MINDY3: variants seen among roughly 807,000 people sequenced by gnomAD.
MINDY3 encodes the protein MINDY lysine 48 deubiquitinase 3, also known as ubiquitin carboxyl-terminal hydrolase MINDY-3.
In MINDY3, 38 loss-of-function variants were observed where a neutral mutation model predicts 69.2. The observed-to-expected ratio is 0.55, with a 90% CI of 0.42 to 0.72. The LOEUF (loss-of-function observed/expected upper bound fraction) is 0.72. MINDY3 is among the 30% of genes least tolerant of loss of function. MINDY3 has a pLI of 0.00. For missense variants in MINDY3, 522 were observed against 519.0 expected (o/e 1.01, Z -0.06); for synonymous variants, 192 against 180.1 (o/e 1.07, Z -0.53).
At chr10:15,827,779 A>G (rs1226884903) in intron 8 of MINDY3, among the ~76,000 whole-genome samples, 1 of 152,168 alleles carries the variant, frequency 6.6e-6, no homozygotes, top group African/African-American at 2.4e-5. Context: ...AAGAATACTC[A>G]AAACTCACAA....
intron 11 of MINDY3, among the ~76,000 whole-genome samples, 169 bp downstream of exon 11, chr10:15,795,931 C>T (rs1293303717): frequency 1.3e-5 from 2 of 152,000 alleles, no homozygotes; most frequent in African/African-American, 2.4e-5. Flanking sequence ...GACTTGTGTG[C>T]TATTTCATTT....
Position 15,860,332 on chromosome 10 carries a change from C to G in MINDY3, c.-33G>C. The G allele has an allele frequency of 1.3e-6, 2 of 1,498,906 alleles. No homozygotes were observed. Among genetic ancestry groups the G allele is most frequent in the Non-Finnish European group, 1.8e-6 (2 of 1,093,266 alleles). 92.9% of individuals were successfully genotyped at this position (1,498,906 alleles called of 1,614,324 possible). A position where few individuals can be genotyped will look rare whatever the true frequency, so the allele number is the denominator to read the frequency against. ...AACCGGCGGGCGGATCTTCGCTTTGCGGACTCCTGCCCCGGAACATGGGGA... is the reference window on the plus strand; with the variant it reads ...AACCGGCGGGCGGATCTTCGCTTTGGGGACTCCTGCCCCGGAACATGGGGA... On this transcript the variant is annotated 5_prime_UTR_variant, in exon 1 of 15. Transcript: ENST00000277632.
intron 5 of MINDY3, 66 bp from the exon 6 acceptor site, chr10:15,837,384 A>C (rs771530354): frequency 6.8e-6 from 9 of 1,320,822 alleles, no homozygotes; most frequent in Non-Finnish European, 9.5e-6. Flanking sequence ...AAAAGGGAAA[A>C]TTTTTAAATT....
chr10:15,792,369 A>AAAT (rs1343184325), intron 11 of MINDY3, among the ~76,000 whole-genome samples: 1 of 152,070 alleles, frequency 6.6e-6, no homozygotes, highest in Admixed American at 6.6e-5. Flanking sequence ...ACAAGCTCAT[A>AAAT]AATAAGTAGC....
At chr10:15,844,176 C>T (rs149237842) in intron 2 of MINDY3, among the ~76,000 whole-genome samples, 111 of 152,248 alleles carry the variant, frequency 7.3e-4, no homozygotes, top group African/African-American at 2.6e-3. Flanking sequence ...TAGCACAGTA[C>T]CTGGCACCAA....
chr10:15,818,319 A>G (rs544672880), intron 9 of MINDY3, among the ~76,000 whole-genome samples: 20 of 149,840 alleles, frequency 1.3e-4, no homozygotes, highest in South Asian at 4.2e-4. Flanking sequence ...GGTAGAAGTA[A>G]AAAAAAAAAA....
chr10:15,818,078 T>C (rs1466354076), intron 9 of MINDY3: 2 of 152,130 alleles, frequency 1.3e-5, no homozygotes, highest in African/African-American at 2.4e-5. Context: ...ACGAGGATTT[T>C]AGAGGTGAGC....
At chr10:15,802,161 A>C (rs1030180278) in intron 10 of MINDY3, among the ~76,000 whole-genome samples, 12 of 151,930 alleles carry the variant, frequency 7.9e-5, no homozygotes, top group African/African-American at 2.9e-4. Flanking sequence ...AGGGAGTCAA[A>C]AGTTGTATGT....
intron 10 of MINDY3, among the ~76,000 whole-genome samples, chr10:15,810,206 A>T (rs1178145276): frequency 6.6e-6 from 1 of 152,170 alleles, no homozygotes; most frequent in Non-Finnish European, 1.5e-5. Flanking sequence ...TGAAAATTAA[A>T]ATCATGAACC....
chr10:15,824,659 T>C (rs1370617090), intron 8 of MINDY3, among the ~76,000 whole-genome samples: 1 of 152,176 alleles, frequency 6.6e-6, no homozygotes, highest in Non-Finnish European at 1.5e-5. Context: ...TAAAAAAGAA[T>C]ACATACATTG....
At chr10:15,840,404 GT>G (rs150227604) in intron 4 of MINDY3, among the ~76,000 whole-genome samples, 2,614 of 151,724 alleles carry the variant, frequency 0.017, 58 homozygotes, top group African/African-American at 0.057. Flanking sequence ...CCTTGCAAAT[GT>G]TACTACTATT....
intron 8 of MINDY3, among the ~76,000 whole-genome samples, chr10:15,823,475 G>A (rs1839901980): frequency 1.3e-5 from 2 of 151,898 alleles, no homozygotes; most frequent in Admixed American, 1.3e-4. Flanking sequence ...AGCATTAAAG[G>A]GATTTGCAAA....
rs557325450 is a variant in MINDY3, at chr10:15,827,800, A to T, written c.730+5830T>A. ...ACTCAAAACTCACAAACACGTGAAG[A>T]GATGATCAAGCTCAGGCTCAATGAG... is the stretch of plus-strand genomic sequence containing the variant. On this transcript the variant is annotated intron_variant, in intron 8 of 14. Coordinates refer to ENST00000277632, the MANE Select transcript of MINDY3 (RefSeq NM_024948.4). Among the ~76,000 whole-genome samples, 753 of 152,326 alleles carry T rather than the reference A, an allele frequency of 4.9e-3. 1 individual carries two copies. Among genetic ancestry groups the T allele is most frequent in the Non-Finnish European group, 8.0e-3 (546 of 68,036 alleles).
chr10:15,809,766 G>A (rs1001785641), intron 10 of MINDY3, among the ~76,000 whole-genome samples: 1 of 152,000 alleles, frequency 6.6e-6, no homozygotes, highest in Admixed American at 6.5e-5. Flanking sequence ...TACATAGGGT[G>A]GCTTAGATGC....
At chr10:15,849,697 GGAGAGGGTGCCA>G (rs1257200118) in intron 1 of MINDY3, among the ~76,000 whole-genome samples, 3 of 152,098 alleles carry the variant, frequency 2.0e-5, no homozygotes, top group East Asian at 1.9e-4. Context: ...TGAGAGCAAT[GGAGAGGGTGCCA>G]GAGAGGGTGC....
chr10:15,789,745 T>TTTAGTTTATTTA (rs1837271405), intron 11 of MINDY3, among the ~76,000 whole-genome samples: 1 of 152,104 alleles, frequency 6.6e-6, no homozygotes, highest in Non-Finnish European at 1.5e-5. Context: ...TTTAGTTTCT[T>TTTAGTTTATTTA]GAAGGAATGT....
chr10:15,835,666 G>T (rs956413687), intron 6 of MINDY3, among the ~76,000 whole-genome samples: 1 of 152,046 alleles, frequency 6.6e-6, no homozygotes, highest in Admixed American at 6.6e-5. Flanking sequence ...GCATAAGAAA[G>T]TTGGAGAATA....
chr10:15,811,413 C>T (rs1838989751), intron 10 of MINDY3, among the ~76,000 whole-genome samples: 1 of 152,008 alleles, frequency 6.6e-6, no homozygotes, highest in South Asian at 2.1e-4. Context: ...GGAGCCAAAG[C>T]CATCAACCAC....
intron 10 of MINDY3, among the ~76,000 whole-genome samples, chr10:15,815,529 A>G (rs1186294135): frequency 1.3e-5 from 2 of 152,232 alleles, no homozygotes; most frequent in African/African-American, 4.8e-5. Flanking sequence ...AAAAAGCTCA[A>G]GGAGTAATCA....
Sources: allele counts gnomAD v4.1 joint callset (sites outside exome capture counted in the v4.1 genomes callset), GRCh38; gene constraint gnomAD v4.1.1; transcripts MANE v1.5; gene names NCBI Gene and HGNC (gene_info 2026-07-23, HGNC 2026-07-21).